Variants in CNTNAP4 observed in about 807,000 individuals in gnomAD.
CNTNAP4 encodes contactin-associated protein-like 4.
Under a neutral mutation model 148.4 loss-of-function variants are expected in CNTNAP4, and 98 were observed. The observed-to-expected ratio is 0.66, with a 90% CI of 0.56 to 0.78. The LOEUF (loss-of-function observed/expected upper bound fraction) is 0.78, where lower values mean the gene tolerates loss of function less well. CNTNAP4 is among the 30% of genes least tolerant of loss of function. CNTNAP4 has a pLI of 0.00. For synonymous variants in CNTNAP4, 730 were observed against 565.1 expected (o/e 1.29, Z -4.14); for missense variants, 1,935 against 1,565.6 (o/e 1.24, Z -3.98).
Position 76,364,790 on chromosome 16 carries a change from G to A in CNTNAP4, c.390+9279G>A, listed in dbSNP as rs11866211. Among the ~76,000 whole-genome samples, 248 of 152,102 alleles carry A rather than the reference G, an allele frequency of 1.6e-3. 2 individuals carry two copies. The highest frequency in any genetic ancestry group is 2.4e-3 in the African/African-American group (100 of 41,506). On this transcript the variant is annotated intron_variant, in intron 3 of 23. Coordinates refer to ENST00000611870, the MANE Select transcript of CNTNAP4 (RefSeq NM_033401.5). ...TATTAAGTATATTTTAAATAGAGAC[G>A]AGATTAAAAAATATTTACAACTATT...
Position 76,448,895 on chromosome 16 carries a change from C to G in CNTNAP4, c.871C>G (p.His291Asp). 6.2e-7 allele frequency: 1 copy of G among 1,613,804 alleles called. No individual in the cohort carries two copies. The highest frequency in any genetic ancestry group is 8.5e-7 in the Non-Finnish European group (1 of 1,179,844). ...GKQVNFTVDE[H>D]RHHFHARGEF... ...ACAAGTCAACTTCACAGTGGACGAA[C>G]ACAGGCATCATTTCCATGCACGGGG... Residue 291 changes from histidine to aspartate, a missense_variant, in exon 6 of 24, where the codon CAC (histidine) becomes GAC (aspartate). His to Asp is a moderately conservative substitution (Grantham distance 81, BLOSUM62 -1). Coordinates refer to ENST00000611870, the MANE Select transcript of CNTNAP4 (RefSeq NM_033401.5).
At chr16:76,436,652 G>T (rs756791178) in intron 4 of CNTNAP4, among the ~76,000 whole-genome samples, 2 of 152,034 alleles carry the variant, frequency 1.3e-5, no homozygotes, top group Non-Finnish European at 2.9e-5. Flanking sequence ...ATGTTCCTTG[G>T]TTCTCCACAT....
At chr16:76,289,346 G>T (rs1001546317) in intron 1 of CNTNAP4, among the ~76,000 whole-genome samples, 9 of 152,134 alleles carry the variant, frequency 5.9e-5, no homozygotes, top group African/African-American at 2.2e-4. Flanking sequence ...TTTTGTATTG[G>T]TTTTTATTTT....
chr16:76,448,372 G>C lies in CNTNAP4; in HGVS notation c.742+157G>C, dbSNP rs953571254. The stretch of plus-strand genomic sequence containing the variant: ...AATATTGCTCTTTCATGTAAAAATG[G>C]TTCATATTTTGCAAATTGCACAAAA... On this transcript the variant is annotated intron_variant, in intron 5 of 23. Coordinates refer to ENST00000611870, the MANE Select transcript of CNTNAP4 (RefSeq NM_033401.5). Among the ~76,000 whole-genome samples, 16 of 145,766 alleles carry C rather than the reference G, an allele frequency of 1.1e-4. No individual in the cohort carries two copies. In the Admixed American group the frequency reaches 1.1e-3, roughly 10 times the overall value.
chr16:76,381,568 C>G (rs752590610), intron 3 of CNTNAP4, among the ~76,000 whole-genome samples: 41 of 152,126 alleles, frequency 2.7e-4, no homozygotes, highest in Admixed American at 6.5e-4. Flanking sequence ...GATAACCCTT[C>G]AAGGGTAAAA....
Position 76,508,670 on chromosome 16 carries a change from T to C in CNTNAP4, c.2365+9976T>C, listed in dbSNP as rs182327826. ...CCTGATAGTTGTCAGGACCATGGTA[T>C]CCTTTTGGGGGAATTTTATACATAT... is the stretch of plus-strand genomic sequence containing the variant. On this transcript the variant is annotated intron_variant, in intron 15 of 23. Coordinates refer to ENST00000611870, the MANE Select transcript of CNTNAP4 (RefSeq NM_033401.5). 3.1e-5 allele frequency among the ~76,000 whole-genome samples: 3 copies of C among 95,938 alleles called. 1 individual carries two copies. Among genetic ancestry groups the C allele is most frequent in the African/African-American group, 7.8e-5 (3 of 38,700 alleles). The allele number at this position is 95,938 out of a possible 152,430, so 62.9% of individuals were successfully genotyped here.
chr16:76,555,482 C>T (rs1001407036), intron 23 of CNTNAP4, among the ~76,000 whole-genome samples: 1 of 152,166 alleles, frequency 6.6e-6, no homozygotes, highest in African/African-American at 2.4e-5. Flanking sequence ...AGAGTTTAAG[C>T]TAGAATTCCT....
intron 1 of CNTNAP4, among the ~76,000 whole-genome samples, chr16:76,281,584 C>T (rs1039643255): frequency 1.3e-5 from 2 of 151,866 alleles, no homozygotes; most frequent in African/African-American, 4.8e-5. Context: ...GAATTTATAT[C>T]ATATGTAAGC....
chr16:76,506,699 G>A (rs1337342662), intron 15 of CNTNAP4, among the ~76,000 whole-genome samples: 1 of 93,422 alleles, frequency 1.1e-5, no homozygotes, highest in African/African-American at 2.6e-5. Context: ...TCGAACCCCA[G>A]ACCTCAAATG....
At chr16:76,556,725 TATTC>T (rs1354062915) in intron 23 of CNTNAP4, among the ~76,000 whole-genome samples, 1 of 152,190 alleles carries the variant, frequency 6.6e-6, no homozygotes. Context: ...TGATTAAAGT[TATTC>T]ATTAATTAAT....
intron 1 of CNTNAP4, among the ~76,000 whole-genome samples, chr16:76,279,662 G>A (rs544341849): frequency 2.0e-5 from 3 of 152,104 alleles, no homozygotes; most frequent in Non-Finnish European, 2.9e-5. Context: ...AACATTTAAA[G>A]TTGGAGTTCT....
chr16:76,501,799 G>A (rs1040629115), intron 15 of CNTNAP4, among the ~76,000 whole-genome samples: 2 of 152,174 alleles, frequency 1.3e-5, no homozygotes, highest in South Asian at 2.1e-4. Flanking sequence ...GGCCGGGCGC[G>A]GTGGCTCACG....
Position 76,538,331 on chromosome 16 carries a change from G to A in CNTNAP4, c.3211G>A (p.Ala1071Thr), listed in dbSNP as rs750033927. The A allele has an allele frequency of 2.5e-6, 4 of 1,600,304 alleles. No individual in the cohort carries two copies. In the South Asian group the frequency reaches 3.4e-5, roughly 13 times the overall value. Residue 1071 changes from alanine to threonine, a missense_variant, in exon 19 of 24, where the codon GCC (alanine) becomes ACC (threonine). By Grantham distance (58) the Ala-to-Thr change is moderately conservative. Coordinates refer to ENST00000611870, the MANE Select transcript of CNTNAP4 (RefSeq NM_033401.5). ...FYKEYLSVII[A>T]KNGSLQIRYK... ...CAAAGAATACCTTTCTGTGATCATTGCCAAAAATGGTGAGTTCTTTTTAGA... is the reference window on the plus strand; with the variant it reads ...CAAAGAATACCTTTCTGTGATCATTACCAAAAATGGTGAGTTCTTTTTAGA...
At chr16:76,428,628 C>G (rs957697681) in intron 4 of CNTNAP4, among the ~76,000 whole-genome samples, 5 of 152,002 alleles carry the variant, frequency 3.3e-5, no homozygotes, top group African/African-American at 1.2e-4. Context: ...TGCGTGGGTA[C>G]TCTCCTGTAT....
chr16:76,441,965 T>C (rs552488223), intron 4 of CNTNAP4, among the ~76,000 whole-genome samples: 1 of 152,166 alleles, frequency 6.6e-6, no homozygotes, highest in Admixed American at 6.6e-5. Flanking sequence ...AGTAACTCAC[T>C]GTGATAAAGA....
chr16:76,301,888 T>C (rs899505411), intron 1 of CNTNAP4, among the ~76,000 whole-genome samples: 1 of 152,106 alleles, frequency 6.6e-6, no homozygotes, highest in Non-Finnish European at 1.5e-5. Flanking sequence ...TCAGAGTTCA[T>C]GGCATTTCGT....
chr16:76,443,065 A>G (rs1292914871), intron 4 of CNTNAP4, among the ~76,000 whole-genome samples: 1 of 152,156 alleles, frequency 6.6e-6, no homozygotes, highest in African/African-American at 2.4e-5. Flanking sequence ...ATAGTGAGCC[A>G]GTGTATGACA....
chr16:76,368,471 T>G (rs1459786336), intron 3 of CNTNAP4, among the ~76,000 whole-genome samples: 1 of 152,170 alleles, frequency 6.6e-6, no homozygotes, highest in Non-Finnish European at 1.5e-5. Context: ...GTGGCACATA[T>G]ACACTGTGGA....
intron 3 of CNTNAP4, among the ~76,000 whole-genome samples, chr16:76,359,599 G>C (rs943176786): frequency 6.6e-5 from 10 of 152,016 alleles, no homozygotes; most frequent in African/African-American, 2.4e-4. Context: ...AAACTTGATA[G>C]ATATGTGATA....
Sources: allele counts gnomAD v4.1 joint callset (sites outside exome capture counted in the v4.1 genomes callset), GRCh38; gene constraint gnomAD v4.1.1; transcripts MANE v1.5; gene names NCBI Gene and HGNC (gene_info 2026-07-23, HGNC 2026-07-21).